The following MAGI2 variants were observed in gnomAD, a reference collection of about 807,000 sequenced individuals.
MAGI2 encodes membrane-associated guanylate kinase, WW and PDZ domain-containing protein 2.
In MAGI2, 35 loss-of-function variants were observed where a neutral mutation model predicts 133.3. The ratio of observed to expected loss-of-function variants is 0.26; its 90% CI spans 0.20 to 0.35. The LOEUF (loss-of-function observed/expected upper bound fraction) is 0.35. Ranked by LOEUF, MAGI2 falls within the 10% of genes least tolerant of loss-of-function variation. MAGI2 has a pLI of 1.00. For synonymous variants in MAGI2, 729 were observed against 710.6 expected, an observed-to-expected ratio of 1.03 and a Z score of -0.41; for missense variants, 1,636 against 1,863.4, an observed-to-expected ratio of 0.88 and a Z score of 2.25.
At chr7:78,870,526 A>G (rs999460307) in intron 2 of MAGI2, among the ~76,000 whole-genome samples, 6 of 152,200 alleles carry the variant, frequency 3.9e-5, no homozygotes, top group Admixed American at 3.3e-4. Flanking sequence ...AGGAATGGCC[A>G]TGATTAAAAC....
At chr7:78,714,972 G>A (rs765003441) in intron 2 of MAGI2, among the ~76,000 whole-genome samples, 9 of 152,132 alleles carry the variant, frequency 5.9e-5, no homozygotes, top group Non-Finnish European at 1.3e-4. Flanking sequence ...TTTCAATTTA[G>A]GCCTTATAAA....
chr7:78,110,736 A>G (rs1311111709), intron 20 of MAGI2, among the ~76,000 whole-genome samples: 1 of 152,216 alleles, frequency 6.6e-6, no homozygotes, highest in African/African-American at 2.4e-5. Context: ...AATGTTCCAC[A>G]GGCAGGAGCA....
At chr7:78,406,568 T>C (rs1176659058) in intron 6 of MAGI2, among the ~76,000 whole-genome samples, 6 of 152,046 alleles carry the variant, frequency 3.9e-5, no homozygotes, top group Non-Finnish European at 8.8e-5. Flanking sequence ...AAAGATAGAA[T>C]GTCATTTTCC....
rs111847690 is a variant in MAGI2, at chr7:79,309,968, TAAAAAAAA to T, written c.301+143044_301+143051del. The stretch of plus-strand genomic sequence containing the variant: ...CAACATAGGGAAACCTTGTTTTTCC[TAAAAAAAA>T]AAAAAAAGAAAAGAAAAGAAAGAAA... On this transcript the variant is annotated intron_variant, in intron 1 of 21. Transcript: ENST00000354212. Among the ~76,000 whole-genome samples, 397 of 101,516 alleles carry T rather than the reference TAAAAAAAA, an allele frequency of 3.9e-3. 1 individual carries two copies. Among genetic ancestry groups the T allele is most frequent in the Admixed American group, 8.1e-3 (70 of 8,660 alleles). 66.6% of individuals were successfully genotyped at this position (101,516 alleles called of 152,430 possible).
intron 7 of MAGI2, among the ~76,000 whole-genome samples, chr7:78,365,368 A>C (rs760647676): frequency 3.9e-5 from 6 of 152,134 alleles, no homozygotes; most frequent in African/African-American, 7.2e-5. Context: ...CCTTGTTCAG[A>C]CCATTATGGG....
intron 1 of MAGI2, among the ~76,000 whole-genome samples, chr7:79,397,111 T>C (rs1845116085): frequency 6.6e-6 from 1 of 150,644 alleles, no homozygotes; most frequent in African/African-American, 2.4e-5. Flanking sequence ...ATGAAAATCA[T>C]AGAATAAACT....
chr7:78,812,811 G>C (rs952212580), intron 2 of MAGI2, among the ~76,000 whole-genome samples: 1 of 152,134 alleles, frequency 6.6e-6, no homozygotes, highest in Non-Finnish European at 1.5e-5. Context: ...GTTGAAATGG[G>C]ACTGATGAGC....
At chr7:79,347,008 AATGTTGTC>A (rs1379417004) in intron 1 of MAGI2, among the ~76,000 whole-genome samples, 1 of 151,918 alleles carries the variant, frequency 6.6e-6, no homozygotes, top group Non-Finnish European at 1.5e-5. Context: ...ATTCCCTGGA[AATGTTGTC>A]ATTTCTTTAT....
chr7:78,164,085 C>T (rs1050203475), intron 15 of MAGI2, among the ~76,000 whole-genome samples: 16 of 152,120 alleles, frequency 1.1e-4, no homozygotes, highest in Non-Finnish European at 2.2e-4. Context: ...TCCCCAAGAC[C>T]TCTTGCAAAT....
chr7:78,240,050 G>A (rs1419408908), intron 10 of MAGI2, among the ~76,000 whole-genome samples: 1 of 151,918 alleles, frequency 6.6e-6, no homozygotes, highest in Non-Finnish European at 1.5e-5. Context: ...TTGTTACATA[G>A]GTGTACATGT....
At chr7:78,494,663 T>C (rs1389922448) in intron 5 of MAGI2, among the ~76,000 whole-genome samples, 2 of 152,216 alleles carry the variant, frequency 1.3e-5, no homozygotes, top group African/African-American at 2.4e-5. Context: ...TCTTTAATAT[T>C]GCCAGAGCAA....
chr7:78,211,230 C>T (rs777107782), intron 10 of MAGI2, among the ~76,000 whole-genome samples: 25 of 147,084 alleles, frequency 1.7e-4, no homozygotes, highest in Non-Finnish European at 3.0e-4. Flanking sequence ...AGTGGGTGAA[C>T]CCCCCAGGAT....
intron 2 of MAGI2, among the ~76,000 whole-genome samples, chr7:78,957,854 G>T (rs1395108898): frequency 1.3e-5 from 2 of 152,122 alleles, no homozygotes; most frequent in African/African-American, 4.8e-5. Flanking sequence ...ATTCCAGCCT[G>T]ATGCTGCTGC....
At chr7:78,520,329 C>T (rs895964373) in intron 4 of MAGI2, among the ~76,000 whole-genome samples, 3 of 152,026 alleles carry the variant, frequency 2.0e-5, no homozygotes, top group Non-Finnish European at 2.9e-5. Flanking sequence ...TGAAGTTTTT[C>T]GCTGATAAAA....
chr7:78,436,333 A>G (rs1800284780), intron 6 of MAGI2, among the ~76,000 whole-genome samples: 1 of 152,178 alleles, frequency 6.6e-6, no homozygotes, highest in Admixed American at 6.5e-5. Flanking sequence ...CACTTGGATC[A>G]TTCAGGGTGA....
intron 2 of MAGI2, among the ~76,000 whole-genome samples, chr7:78,811,171 T>C (rs1789011859): frequency 1.3e-5 from 2 of 151,866 alleles, no homozygotes; most frequent in African/African-American, 4.8e-5. Flanking sequence ...GATTATGTCT[T>C]CAGGTTTTAT....
chr7:78,979,005 C>G (rs1804546566), intron 2 of MAGI2, among the ~76,000 whole-genome samples: 1 of 151,806 alleles, frequency 6.6e-6, no homozygotes, highest in African/African-American at 2.4e-5. Context: ...CAAGAGAAAG[C>G]ATTAATAATC....
At chr7:79,419,919 A>C (rs1478815741) in intron 1 of MAGI2, among the ~76,000 whole-genome samples, 2 of 152,024 alleles carry the variant, frequency 1.3e-5, no homozygotes, top group Admixed American at 1.3e-4. Context: ...CCCCTTGAAT[A>C]AAATGTCCAC....
chr7:78,234,829 A>C (rs1043979550), intron 10 of MAGI2, among the ~76,000 whole-genome samples: 3 of 152,130 alleles, frequency 2.0e-5, no homozygotes, highest in Non-Finnish European at 4.4e-5. Flanking sequence ...CATAACTTTA[A>C]TTGCACCCAG....
Sources: allele counts gnomAD v4.1 joint callset (sites outside exome capture counted in the v4.1 genomes callset), GRCh38; gene constraint gnomAD v4.1.1; transcripts MANE v1.5; gene names NCBI Gene and HGNC (gene_info 2026-07-23, HGNC 2026-07-21).